Variants in CBX5 observed in about 807,000 individuals in gnomAD.
CBX5 encodes chromobox protein homolog 5.
A neutral mutation model predicts 20.7 loss-of-function variants in CBX5; 7 were observed. The observed-to-expected ratio is 0.34, with a 90% CI of 0.19 to 0.63. CBX5 has a LOEUF of 0.63. CBX5 is among the 30% of genes least tolerant of loss of function. The probability of loss-of-function intolerance (pLI) is 0.75; values close to 1 mark genes in which losing one functional copy is unlikely to be tolerated. For missense variants in CBX5, 110 were observed against 224.1 expected (o/e 0.49, Z 3.25); for synonymous variants, 78 against 77.0 (o/e 1.01, Z -0.07).
chr12:54,276,883 AAAAG>A (rs756672580), intron 1 of CBX5: 4 of 152,220 alleles, frequency 2.6e-5, no homozygotes, highest in Non-Finnish European at 4.4e-5. Flanking sequence ...GAATCCCAGG[AAAAG>A]AAAGAGGCTA....
rs1431733371 is a variant in CBX5, at chr12:54,236,614, G to C, written c.*5141C>G. The C allele has an allele frequency of 3.3e-5, 5 of 152,170 alleles. No individual in the cohort carries two copies. The highest frequency in any genetic ancestry group is 1.2e-4 in the African/African-American group (5 of 41,430). The allele number at this position is 152,170 out of a possible 1,614,324, so 9.4% of individuals were successfully genotyped here. A position where few individuals can be genotyped will look rare whatever the true frequency, so the allele number is the denominator to read the frequency against. ...CATGCTTGGTGGTCTGATTACAAAA[G>C]TACGGATCTCAACACTATATTTTTT... On this transcript the variant is annotated 3_prime_UTR_variant, in exon 5 of 5. Coordinates refer to ENST00000209875, the MANE Select transcript of CBX5 (RefSeq NM_012117.3).
At chr12:54,279,846 G>A (rs1034317382) in intron 1 of CBX5, among the ~76,000 whole-genome samples, 162 bp downstream of exon 1, 10 of 152,328 alleles carry the variant, frequency 6.6e-5, no homozygotes, top group African/African-American at 2.4e-4. Flanking sequence ...AACCTACGGG[G>A]ATTAAAACAT....
chr12:54,243,705 C>G (rs530649553), intron 4 of CBX5, among the ~76,000 whole-genome samples: 3 of 152,112 alleles, frequency 2.0e-5, no homozygotes, highest in Admixed American at 1.3e-4. Flanking sequence ...CCTGTCTCTA[C>G]TAAAAATATA....
In CBX5 at chr12:54,235,332, C is replaced by T. The variant is rs1015135725; in HGVS notation, c.*6423G>A. The T allele has an allele frequency of 6.6e-6, 1 of 152,270 alleles. No homozygotes were observed. The highest frequency in any genetic ancestry group is 6.5e-5 in the Admixed American group (1 of 15,286). The allele number at this position is 152,270 out of a possible 1,614,324, so 9.4% of individuals were successfully genotyped here. On this transcript the variant is annotated 3_prime_UTR_variant, in exon 5 of 5. Coordinates refer to ENST00000209875, the MANE Select transcript of CBX5 (RefSeq NM_012117.3). ...CAATTCTCTGCTTAGAAATCACCCT[C>T]TCGGCCCGGCGGTGGCTCACGCCTG...
chr12:54,276,216 C>A (rs1439164618), intron 1 of CBX5, among the ~76,000 whole-genome samples: 1 of 152,072 alleles, frequency 6.6e-6, no homozygotes, highest in Non-Finnish European at 1.5e-5. Flanking sequence ...TACATAGATA[C>A]TCCTTGATGG....
At chr12:54,259,743 AATTG>A (rs1253861679) in intron 1 of CBX5, among the ~76,000 whole-genome samples, 1 of 152,246 alleles carries the variant, frequency 6.6e-6, no homozygotes, top group African/African-American at 2.4e-5. Flanking sequence ...TGGGTGGAGA[AATTG>A]GAAGGTACCT....
chr12:54,236,759 G>A lies in CBX5; in HGVS notation c.*4996C>T, dbSNP rs1428837649. The A allele has an allele frequency of 6.6e-6, 1 of 152,118 alleles. No individual in the cohort carries two copies. 9.4% of individuals were successfully genotyped at this position (152,118 alleles called of 1,614,324 possible). A position where few individuals can be genotyped will look rare whatever the true frequency, so the allele number is the denominator to read the frequency against. On this transcript the variant is annotated 3_prime_UTR_variant, in exon 5 of 5. Coordinates refer to ENST00000209875, the MANE Select transcript of CBX5 (RefSeq NM_012117.3). ...GGTGTTCTCATGACATTGCAAAGTA[G>A]TATTTTATGCCCTCAAAACTGAACC...
At chr12:54,243,774 G>C (rs1022184898) in intron 4 of CBX5, among the ~76,000 whole-genome samples, 2 of 148,806 alleles carry the variant, frequency 1.3e-5, no homozygotes, top group African/African-American at 5.0e-5. Flanking sequence ...GTGGCTGAGG[G>C]ATGAGAACTG....
At chr12:54,247,855 T>TG (rs1204767593) in intron 3 of CBX5, among the ~76,000 whole-genome samples, 4 of 151,548 alleles carry the variant, frequency 2.6e-5, no homozygotes, top group Non-Finnish European at 4.4e-5. Context: ...TTTTTTTTTT[T>TG]TTTGAGACAG....
chr12:54,246,325 C>A, intron 3 of CBX5, 110 bp from the exon 4 acceptor site: 1 of 804,376 alleles, frequency 1.2e-6, no homozygotes, highest in Non-Finnish European at 2.0e-6. Flanking sequence ...GATATCATTT[C>A]TTTCACCAAT....
chr12:54,257,607 T>C lies in CBX5; in HGVS notation c.44A>G (p.Glu15Gly). ...TKRTADSSSS[E>G]DEEEYVVEKV... ...CTCCACAACATACTCCTCCTCATCCTCTGAAGAAGAACTGTCAGCTGTCCG... is the reference window on the plus strand; with the variant it reads ...CTCCACAACATACTCCTCCTCATCCCCTGAAGAAGAACTGTCAGCTGTCCG... The change falls in exon 2 of 5, where the codon GAG becomes GGG. Residue 15 changes from glutamate (E) to glycine (G), a missense_variant. Coordinates refer to ENST00000209875, the MANE Select transcript of CBX5 (RefSeq NM_012117.3). 6.2e-7 allele frequency: 1 copy of C among 1,614,226 alleles called. No homozygotes were observed. The highest frequency in any genetic ancestry group is 8.5e-7 in the Non-Finnish European group (1 of 1,180,030).
At chr12:54,246,780 CA>C (rs772454046) in intron 3 of CBX5, among the ~76,000 whole-genome samples, 486 of 46,242 alleles carry the variant, frequency 0.011, 2 homozygotes, top group East Asian at 0.07. Context: ...GACTCCGTCT[CA>C]AAAAAAAAAA....
chr12:54,261,706 G>A (rs1943917085), intron 1 of CBX5, among the ~76,000 whole-genome samples: 1 of 151,986 alleles, frequency 6.6e-6, no homozygotes, highest in Non-Finnish European at 1.5e-5. Context: ...ATAATTAAGG[G>A]ATATAAAAAC....
intron 2 of CBX5, among the ~76,000 whole-genome samples, chr12:54,254,451 C>G (rs1943844105): frequency 6.6e-6 from 1 of 151,838 alleles, no homozygotes; most frequent in Admixed American, 6.6e-5. Flanking sequence ...TACTCTTGAC[C>G]TAAACAACTT....
chr12:54,250,407 CT>C (rs1943783066), intron 3 of CBX5, among the ~76,000 whole-genome samples: 1 of 151,872 alleles, frequency 6.6e-6, no homozygotes, highest in African/African-American at 2.4e-5. Context: ...AAGACTCTGT[CT>C]CAAAATAAAT....
chr12:54,261,566 A>T (rs967535227), intron 1 of CBX5, among the ~76,000 whole-genome samples: 1 of 152,186 alleles, frequency 6.6e-6, no homozygotes. Context: ...AAGTGCTGGG[A>T]TTACAGGCAT....
At chr12:54,266,227 G>A (rs1025354532) in intron 1 of CBX5, among the ~76,000 whole-genome samples, 2 of 150,552 alleles carry the variant, frequency 1.3e-5, no homozygotes, top group African/African-American at 2.4e-5. Context: ...GCGAAACCAC[G>A]TCTCTACTAA....
Position 54,237,361 on chromosome 12 carries a change from A to G in CBX5, c.*4394T>C, listed in dbSNP as rs1209237140. On this transcript the variant is annotated 3_prime_UTR_variant, in exon 5 of 5. Transcript: ENST00000209875. ...AGGATTTTCCATGAACAGAAAAGCA[A>G]ATATAAATGCAGTTGATAAACTAGA... 3 of 152,260 alleles carry G rather than the reference A, an allele frequency of 2.0e-5. No homozygotes were observed. The highest frequency in any genetic ancestry group is 1.5e-5 in the Non-Finnish European group (1 of 68,040). 9.4% of individuals were successfully genotyped at this position (152,260 alleles called of 1,614,324 possible). A position where few individuals can be genotyped will look rare whatever the true frequency, so the allele number is the denominator to read the frequency against.
chr12:54,250,368 C>T (rs902427051), intron 3 of CBX5, among the ~76,000 whole-genome samples: 2 of 152,126 alleles, frequency 1.3e-5, no homozygotes, highest in African/African-American at 4.8e-5. Flanking sequence ...CGAGATCACG[C>T]CCATGCACTC....
Sources: gnomAD v4.1 joint callset for allele counts (sites outside exome capture counted in the v4.1 genomes callset) on GRCh38, gnomAD v4.1.1 for gene constraint, MANE v1.5 for transcripts, NCBI Gene and HGNC (gene_info 2026-07-23, HGNC 2026-07-21) for gene names.